Variants in CFAP96 observed in about 807,000 individuals in gnomAD.
The protein encoded by CFAP96 is cilia and flagella associated protein 96.
the CFAP96 span, among the ~76,000 whole-genome samples, chr4:185,425,248 G>A: frequency 6.6e-6 from 1 of 152,130 alleles, no homozygotes; most frequent in East Asian, 1.9e-4. Flanking sequence ...GGGGGTTCCT[G>A]GAGGAAGAGC....
At chr4:185,432,290 G>A in the CFAP96 span, 2 of 992,292 alleles carry the variant, frequency 2.0e-6, no homozygotes, top group Middle Eastern at 2.6e-4. Context: ...ACTTACTTAT[G>A]TAAGATGAAT....
chr4:185,427,832 T>TC, the CFAP96 span, among the ~76,000 whole-genome samples: 1 of 149,748 alleles, frequency 6.7e-6, no homozygotes, highest in Non-Finnish European at 1.5e-5. Context: ...ACTCCTGTAA[T>TC]CCCAGCACTT....
At chr4:185,415,877 T>A in the CFAP96 span, 1 of 1,600,608 alleles carries the variant, frequency 6.2e-7, no homozygotes, top group African/African-American at 1.3e-5. Context: ...GCTATATAGA[T>A]AAACAGTAAT....
the CFAP96 span, chr4:185,415,746 G>A: frequency 6.2e-7 from 1 of 1,613,116 alleles, no homozygotes; most frequent in Middle Eastern, 1.7e-4. Context: ...AGATATAACT[G>A]CATCGACAGG....
chr4:185,413,768 A>T, the CFAP96 span: 1 of 1,613,492 alleles, frequency 6.2e-7, no homozygotes, highest in East Asian at 2.2e-5. Flanking sequence ...AAGTATGTGG[A>T]TTTCTAATGT....
At chr4:185,429,558 A>G in the CFAP96 span, 12 of 1,031,930 alleles carry the variant, frequency 1.2e-5, no homozygotes, top group East Asian at 5.9e-5. Context: ...GGTATTTTCT[A>G]TATAAAATTT....
chr4:185,445,029 T>C, the CFAP96 span: 1 of 1,551,600 alleles, frequency 6.4e-7, no homozygotes, highest in South Asian at 1.2e-5. Flanking sequence ...CTTATGTGGC[T>C]AAATTGGCAA....
At chr4:185,428,579 AC>A in the CFAP96 span, among the ~76,000 whole-genome samples, 28 of 5,150 alleles carry the variant, frequency 5.4e-3, no homozygotes, top group East Asian at 0.14. Flanking sequence ...AACAACAACA[AC>A]AACAAAAAAA....
chr4:185,448,831 G>A, the CFAP96 span, among the ~76,000 whole-genome samples: 2 of 152,096 alleles, frequency 1.3e-5, no homozygotes, highest in South Asian at 4.1e-4. Flanking sequence ...TCTATCCAGA[G>A]AATAAACCTG....
the CFAP96 span, chr4:185,449,553 C>G: frequency 3.3e-5 from 41 of 1,258,104 alleles, no homozygotes; most frequent in Middle Eastern, 1.9e-4. Flanking sequence ...AGGTATTTGA[C>G]TTGCACCTAT....
chr4:185,449,164 T>C, the CFAP96 span, among the ~76,000 whole-genome samples: 3 of 152,208 alleles, frequency 2.0e-5, no homozygotes, highest in African/African-American at 7.2e-5. Context: ...ATTTTGATTT[T>C]GGATTGTTAA....
the CFAP96 span, chr4:185,444,909 A>G: frequency 6.7e-7 from 1 of 1,489,430 alleles, no homozygotes; most frequent in Non-Finnish European, 9.1e-7. Flanking sequence ...TCACAAGCTA[A>G]TTTTGTAGAG....
chr4:185,411,840 T>C, the CFAP96 span, among the ~76,000 whole-genome samples: 7 of 152,168 alleles, frequency 4.6e-5, no homozygotes, highest in South Asian at 2.1e-4. Flanking sequence ...ATATGTAATA[T>C]TGAGTGAAAA....
At chr4:185,447,811 C>T in the CFAP96 span, among the ~76,000 whole-genome samples, 4 of 152,124 alleles carry the variant, frequency 2.6e-5, no homozygotes, top group Non-Finnish European at 5.9e-5. Flanking sequence ...GACAGAAGCT[C>T]TAAATTGCTA....
At chr4:185,408,962 AC>A in the CFAP96 span, among the ~76,000 whole-genome samples, 1 of 152,148 alleles carries the variant, frequency 6.6e-6, no homozygotes, top group Admixed American at 6.5e-5. Context: ...GACTTGATAT[AC>A]TTTAAATGAT....
chr4:185,441,383 T>C, the CFAP96 span, among the ~76,000 whole-genome samples: 1 of 131,948 alleles, frequency 7.6e-6, no homozygotes, highest in Non-Finnish European at 1.6e-5. Flanking sequence ...TTGTAAGATA[T>C]CTTATAAGAT....
At chr4:185,439,775 A>G in the CFAP96 span, among the ~76,000 whole-genome samples, 1 of 139,568 alleles carries the variant, frequency 7.2e-6, no homozygotes, top group Non-Finnish European at 1.5e-5. Flanking sequence ...ATATGTATCT[A>G]TATCTCATAT....
At chr4:185,415,508 T>C in the CFAP96 span, among the ~76,000 whole-genome samples, 1 of 152,208 alleles carries the variant, frequency 6.6e-6, no homozygotes, top group Non-Finnish European at 1.5e-5. Context: ...GTGTATTTGC[T>C]CTTTGTGGAT....
the CFAP96 span, among the ~76,000 whole-genome samples, chr4:185,443,692 ACTT>A: frequency 6.6e-6 from 1 of 151,704 alleles, no homozygotes; most frequent in African/African-American, 2.4e-5. Context: ...GACTTTCCTC[ACTT>A]CTTTTTCATT....
Sources: allele counts gnomAD v4.1 joint callset (sites outside exome capture counted in the v4.1 genomes callset), GRCh38; gene constraint gnomAD v4.1.1; transcripts MANE v1.5; gene names NCBI Gene and HGNC (gene_info 2026-07-23, HGNC 2026-07-21).